PRKAG2: variants seen among roughly 807,000 people sequenced by gnomAD.
PRKAG2 encodes the protein protein kinase AMP-activated non-catalytic subunit gamma 2.
Under a neutral mutation model 69.6 loss-of-function variants are expected in PRKAG2, and 26 were observed. The ratio of observed to expected loss-of-function variants is 0.37; its 90% CI spans 0.27 to 0.52. The LOEUF is 0.52. Ranked by LOEUF, PRKAG2 falls within the 20% of genes least tolerant of loss-of-function variation. The pLI, the probability that PRKAG2 is intolerant of heterozygous loss-of-function variation, is 0.90. For missense variants in PRKAG2, 557 were observed against 740.0 expected, an observed-to-expected ratio of 0.75 and a Z score of 2.87; for synonymous variants, 293 against 285.0, an observed-to-expected ratio of 1.03 and a Z score of -0.28.
At chr7:151,570,010 AGT>A (rs1425157691) in intron 10 of PRKAG2, among the ~76,000 whole-genome samples, 159 bp downstream of exon 10, 1 of 152,206 alleles carries the variant, frequency 6.6e-6, no homozygotes, top group East Asian at 1.9e-4. Flanking sequence ...TGATTTTTGT[AGT>A]GTTCCTAGAT....
At chr7:151,727,975 C>T (rs998498689) in intron 3 of PRKAG2, among the ~76,000 whole-genome samples, 15 of 152,304 alleles carry the variant, frequency 9.8e-5, no homozygotes, top group Admixed American at 3.9e-4. Context: ...CTGGGGCGGA[C>T]GCCCGGACAC....
At chr7:151,842,575 TGATGGTAGTGATGGTAGGTAGG>T (rs1563747122) in intron 1 of PRKAG2, among the ~76,000 whole-genome samples, 3 of 131,176 alleles carry the variant, frequency 2.3e-5, no homozygotes, top group Admixed American at 7.5e-5. Flanking sequence ...TGGTAGGTAG[TGATGGTAGTGATGGTAGGTAGG>T]GATGGTAGTG....
chr7:151,589,293 A>G (rs773972715), intron 6 of PRKAG2, among the ~76,000 whole-genome samples: 1 of 152,152 alleles, frequency 6.6e-6, no homozygotes, highest in Non-Finnish European at 1.5e-5. Context: ...CCACCCAGAG[A>G]CATAAGCACC....
intron 6 of PRKAG2, among the ~76,000 whole-genome samples, chr7:151,578,663 C>T (rs1029948): frequency 4.2e-4 from 64 of 152,114 alleles, no homozygotes; most frequent in South Asian, 2.1e-4. Flanking sequence ...AAGAGAATGA[C>T]GATGAGGAAA....
Position 151,556,385 on chromosome 7 carries a change from G to A in PRKAG2, c.*816C>T, listed in dbSNP as rs1001880375. 6 of 152,550 alleles carry A rather than the reference G, an allele frequency of 3.9e-5. No homozygotes were observed. Among genetic ancestry groups the A allele is most frequent in the African/African-American group, 1.4e-4 (6 of 41,412 alleles). 9.4% of individuals were successfully genotyped at this position (152,550 alleles called of 1,614,324 possible). On this transcript the variant is annotated 3_prime_UTR_variant, in exon 16 of 16. Transcript: ENST00000287878. ...CAAGAAAAAAAATAGACATCTTCCC[G>A]GCACTTGGCTCCCGCCTGACGGCAA...
intron 4 of PRKAG2, among the ~76,000 whole-genome samples, chr7:151,652,866 G>A (rs1018786106): frequency 1.3e-5 from 2 of 151,962 alleles, no homozygotes; most frequent in Non-Finnish European, 2.9e-5. Context: ...CGATCTGCCC[G>A]CCTCAGCCTC....
intron 5 of PRKAG2, among the ~76,000 whole-genome samples, chr7:151,612,757 C>T (rs965329068): frequency 1.3e-5 from 2 of 152,208 alleles, no homozygotes; most frequent in African/African-American, 4.8e-5. Flanking sequence ...TTCCCAAAGG[C>T]ACAGGTGCAT....
chr7:151,786,483 T>A lies in PRKAG2; in HGVS notation c.173A>T (p.His58Leu), dbSNP rs1289539756. Residue 58 changes from histidine (H) to leucine (L), a missense_variant, in exon 2 of 16, where the codon CAT becomes CTT. Around this residue, in one of 2 missense-constraint regions of PRKAG2, gnomAD observed 352 missense variants for 356.7 expected, o/e 0.99. Transcript: ENST00000287878. ...AGGAGGTCTTACCTTTCGAGAGGAATGCTTTCCGGAACCCTCCAGGTCTCC... is the reference window on the plus strand; with the variant it reads ...AGGAGGTCTTACCTTTCGAGAGGAAAGCTTTCCGGAACCCTCCAGGTCTCC... ...LDGDLEGSGK[H>L]SSRKVDSPFG... The A allele has an allele frequency of 6.2e-7, 1 of 1,612,494 alleles. No homozygotes were observed. The highest frequency in any genetic ancestry group is 8.5e-7 in the Non-Finnish European group (1 of 1,179,448).
chr7:151,564,970 C>T (rs1163780279), intron 13 of PRKAG2, among the ~76,000 whole-genome samples: 1 of 152,122 alleles, frequency 6.6e-6, no homozygotes, highest in African/African-American at 2.4e-5. Flanking sequence ...AATCACTAAG[C>T]AATGGGATGC....
At chr7:151,735,956 T>G (rs1422592622) in intron 3 of PRKAG2, 1 of 1,536,384 alleles carries the variant, frequency 6.5e-7, no homozygotes, top group Non-Finnish European at 8.7e-7. Flanking sequence ...TTGGTCCTTG[T>G]GTTTCTTGTT....
rs191666250 is a variant in PRKAG2, at chr7:151,726,968, C to T, written c.467-51331G>A. On this transcript the variant is annotated intron_variant, in intron 3 of 15. Coordinates refer to ENST00000287878, the MANE Select transcript of PRKAG2 (RefSeq NM_016203.4). ...CGGTGGCTCACACCTGTAATCCCAG[C>T]GCTTTGGGAGGCCAAGGCGGGCGGA... Among the ~76,000 whole-genome samples the T allele has an allele frequency of 1.4e-3, 213 of 152,230 alleles. 1 individual carries two copies. The highest frequency in any genetic ancestry group is 5.0e-3 in the African/African-American group (206 of 41,548).
chr7:151,683,427 G>C (rs142991591), intron 3 of PRKAG2, among the ~76,000 whole-genome samples: 168 of 152,296 alleles, frequency 1.1e-3, no homozygotes, highest in African/African-American at 3.9e-3. Flanking sequence ...AAATAAACCA[G>C]GTAGACCAGA....
chr7:151,640,778 T>G lies in PRKAG2; in HGVS notation c.685-8640A>C, dbSNP rs530179122. Among the ~76,000 whole-genome samples the G allele has an allele frequency of 2.0e-5, 3 of 152,306 alleles. No individual in the cohort carries two copies. The East Asian group carries it at 5.8e-4, about 29-fold the overall frequency. ...GCATTTAACACACTGGCTTGGGATT[T>G]ACTTTTCTGTTTCCTCTGAGTCCCA... On this transcript the variant is annotated intron_variant, in intron 4 of 15. Transcript: ENST00000287878.
chr7:151,876,041 GC>G (rs2080391721), intron 1 of PRKAG2, among the ~76,000 whole-genome samples: 1 of 66,178 alleles, frequency 1.5e-5, no homozygotes, highest in Non-Finnish European at 3.1e-5. Flanking sequence ...CCCAACCCCC[GC>G]CCCGCTGCTT....
In PRKAG2 at chr7:151,574,982, C is replaced by G. The variant is rs1395301600; in HGVS notation, c.947-33G>C. On this transcript the variant is annotated intron_variant, in intron 7 of 15. Coordinates refer to ENST00000287878, the MANE Select transcript of PRKAG2 (RefSeq NM_016203.4). The stretch of plus-strand genomic sequence containing the variant: ...AAAGAATTACATGTTACAAATAAAA[C>G]CATGAAAACATTTTTAAAAATTTCA... 3.7e-6 allele frequency: 6 copies of G among 1,609,820 alleles called. No homozygotes were observed. In the African/African-American group the frequency reaches 8.0e-5, roughly 22 times the overall value.
chr7:151,584,654 G>A (rs1056092830), intron 6 of PRKAG2, among the ~76,000 whole-genome samples: 1 of 152,176 alleles, frequency 6.6e-6, no homozygotes, highest in African/African-American at 2.4e-5. Context: ...CAGTGGCTTC[G>A]GGAGGCCGCA....
In PRKAG2 at chr7:151,813,492, G is replaced by GA. The variant is rs35161942; in HGVS notation, c.115-26952dup. On this transcript the variant is annotated intron_variant, in intron 1 of 15. Coordinates refer to ENST00000287878, the MANE Select transcript of PRKAG2 (RefSeq NM_016203.4). ...CTGGCTTACGGAAGGCGATTGTAAG[G>GA]AAAAAAAAAAAAAAGGACATGGCTT... is the stretch of plus-strand genomic sequence containing the variant. Among the ~76,000 whole-genome samples, 174 of 137,900 alleles carry GA rather than the reference G, an allele frequency of 1.3e-3. 1 individual carries two copies. The highest frequency in any genetic ancestry group is 4.1e-3 in the East Asian group (19 of 4,654). 90.5% of individuals were successfully genotyped at this position (137,900 alleles called of 152,430 possible).
At chr7:151,779,041 C>T (rs1004377411) in intron 3 of PRKAG2, among the ~76,000 whole-genome samples, 4 of 152,164 alleles carry the variant, frequency 2.6e-5, no homozygotes, top group African/African-American at 9.7e-5. Context: ...TAAATGCTTT[C>T]CTTACAGTCC....
intron 1 of PRKAG2, among the ~76,000 whole-genome samples, chr7:151,808,647 G>C (rs2078247653): frequency 6.6e-6 from 1 of 152,090 alleles, no homozygotes; most frequent in Admixed American, 6.5e-5. Context: ...GGAGACAGTA[G>C]GGGAGATGGT....
Sources: gnomAD v4.1 joint callset for allele counts (sites outside exome capture counted in the v4.1 genomes callset) on GRCh38, gnomAD v4.1.1 for gene constraint, gnomAD v4.1.1 regional missense constraint, MANE v1.5 for transcripts, NCBI Gene and HGNC (gene_info 2026-07-23, HGNC 2026-07-21) for gene names.